The following TSPAN9 variants were observed in gnomAD, a reference collection of about 807,000 sequenced individuals.
The protein encoded by TSPAN9 is tetraspanin 9.
TSPAN9 carries 16 observed loss-of-function variants against 31.0 expected under a neutral mutation model. The observed-to-expected ratio is 0.52, with a 90% CI of 0.35 to 0.78. The LOEUF is 0.78. TSPAN9 is among the 30% of genes least tolerant of loss of function. The pLI, the probability that TSPAN9 is intolerant of heterozygous loss-of-function variation, is 0.01. For missense variants in TSPAN9, 272 were observed against 312.5 expected (o/e 0.87, Z 0.98); for synonymous variants, 145 against 121.6 (o/e 1.19, Z -1.27).
In TSPAN9 at chr12:3,286,479, TC is replaced by T. The variant is rs952896075; in HGVS notation, c.*3365del. 1.3e-5 allele frequency: 2 copies of T among 152,584 alleles called. No individual in the cohort carries two copies. The highest frequency in any genetic ancestry group is 2.4e-5 in the African/African-American group (1 of 41,436). 9.5% of individuals were successfully genotyped at this position (152,584 alleles called of 1,614,324 possible). On this transcript the variant is annotated 3_prime_UTR_variant, in exon 9 of 9. Transcript: ENST00000011898. This position sits in a 1 kb window ranked among gnomAD's most constrained non-coding sequence, Gnocchi z 4.1. ...TGCTTGCATTGCCGTATCTGTGCGT[TC>T]CTTCATCCTGGTCCTGGCTTTATGG...
At chr12:3,274,082 C>T (rs1203879006) in intron 3 of TSPAN9, among the ~76,000 whole-genome samples, 2 of 152,174 alleles carry the variant, frequency 1.3e-5, no homozygotes, top group East Asian at 1.9e-4. Context: ...CAATTGGGGC[C>T]AGACAGTTCT....
intron 2 of TSPAN9, among the ~76,000 whole-genome samples, chr12:3,181,112 G>A (rs1428418846): frequency 1.3e-5 from 2 of 152,124 alleles, no homozygotes; most frequent in Non-Finnish European, 2.9e-5. Context: ...GGGGCCCATG[G>A]CACCATCTTA....
chr12:3,113,264 A>G (rs193141889), intron 2 of TSPAN9, among the ~76,000 whole-genome samples: 57 of 147,514 alleles, frequency 3.9e-4, no homozygotes, highest in African/African-American at 1.4e-3. Context: ...TGTGGTGGGG[A>G]GGGAGAGCAT....
At chr12:3,085,328 TTGG>T (rs2098299899) in intron 2 of TSPAN9, among the ~76,000 whole-genome samples, 1 of 151,562 alleles carries the variant, frequency 6.6e-6, no homozygotes, top group Admixed American at 6.6e-5. Flanking sequence ...CAGACAGAAC[TTGG>T]TGAAGGGCTC....
At chr12:3,202,259 C>T (rs1371292007) in intron 3 of TSPAN9, among the ~76,000 whole-genome samples, 1 of 152,202 alleles carries the variant, frequency 6.6e-6, no homozygotes, top group Non-Finnish European at 1.5e-5. Context: ...TTGGCTCAGT[C>T]CCAGAGTCTG....
intron 3 of TSPAN9, among the ~76,000 whole-genome samples, chr12:3,260,987 C>T (rs554209729): frequency 3.3e-5 from 5 of 152,156 alleles, no homozygotes; most frequent in East Asian, 1.9e-4. Context: ...GGAGCCCTCT[C>T]GGGTCTGGAA....
intron 3 of TSPAN9, among the ~76,000 whole-genome samples, chr12:3,240,389 C>CCAG (rs1465819067): frequency 1.3e-5 from 2 of 152,128 alleles, no homozygotes; most frequent in African/African-American, 4.8e-5. Flanking sequence ...GCCAAGGGGG[C>CCAG]CAGCAGTCAC....
chr12:3,100,981 C>T (rs1431672351), intron 2 of TSPAN9, among the ~76,000 whole-genome samples: 4 of 152,158 alleles, frequency 2.6e-5, no homozygotes, highest in Admixed American at 2.0e-4. Context: ...AGTACCATCC[C>T]GGGTGTGGAG....
intron 2 of TSPAN9, among the ~76,000 whole-genome samples, chr12:3,167,930 G>A (rs1196987917): frequency 6.6e-6 from 1 of 152,212 alleles, no homozygotes; most frequent in Non-Finnish European, 1.5e-5. Context: ...CCATCCCACT[G>A]GCTCCTTTGG....
At chr12:3,165,240 C>T (rs1235333253) in intron 2 of TSPAN9, among the ~76,000 whole-genome samples, 1 of 152,164 alleles carries the variant, frequency 6.6e-6, no homozygotes, top group African/African-American at 2.4e-5. Flanking sequence ...CCTGAGTCCT[C>T]AGTGCATCTA....
At chr12:3,111,466 T>G (rs997589722) in intron 2 of TSPAN9, among the ~76,000 whole-genome samples, 1 of 152,158 alleles carries the variant, frequency 6.6e-6, no homozygotes, top group African/African-American at 2.4e-5. Context: ...TAAAAGAAAT[T>G]TATCATAAAA....
At chr12:3,278,337 A>T (rs963878765) in intron 3 of TSPAN9, 84 bp from the exon 4 acceptor site, 1 of 1,537,272 alleles carries the variant, frequency 6.5e-7, no homozygotes, top group Admixed American at 1.9e-5. Flanking sequence ...GTCTCAGAGC[A>T]TGGGGTGGGG....
intron 3 of TSPAN9, among the ~76,000 whole-genome samples, chr12:3,245,580 C>A (rs1862107117): frequency 6.6e-6 from 1 of 152,160 alleles, no homozygotes; most frequent in African/African-American, 2.4e-5. Flanking sequence ...GAGGGAGAAG[C>A]CTGCCTGCCC....
At chr12:3,176,917 G>A (rs1173627084) in intron 2 of TSPAN9, among the ~76,000 whole-genome samples, 1 of 152,194 alleles carries the variant, frequency 6.6e-6, no homozygotes, top group African/African-American at 2.4e-5. Context: ...AATGCACAGA[G>A]CCGAGTATTA....
chr12:3,280,202 G>T lies in TSPAN9; in HGVS notation c.331-180G>T, dbSNP rs1278042974. On this transcript the variant is annotated intron_variant, in intron 5 of 8. Transcript: ENST00000011898. The surrounding 1 kb of genome is among the most constrained non-coding windows in gnomAD (Gnocchi z 4.5). ...AAACTGGGAGTGTGTGCCTAACCCCGCACCTCTGTTGGGCCAGCAGAGGCC... is the reference window on the plus strand; with the variant it reads ...AAACTGGGAGTGTGTGCCTAACCCCTCACCTCTGTTGGGCCAGCAGAGGCC... Among the ~76,000 whole-genome samples the T allele has an allele frequency of 2.0e-5, 3 of 152,062 alleles. No individual in the cohort carries two copies. In the East Asian group the frequency reaches 5.8e-4, roughly 29 times the overall value.
intron 2 of TSPAN9, among the ~76,000 whole-genome samples, chr12:3,119,609 T>C (rs1260588869): frequency 1.3e-5 from 2 of 152,188 alleles, no homozygotes; most frequent in Non-Finnish European, 2.9e-5. Flanking sequence ...GGCTGTGTGC[T>C]TCACTGGAGG....
chr12:3,197,850 T>TCAC (rs201716596), intron 2 of TSPAN9, among the ~76,000 whole-genome samples: 5 of 26,114 alleles, frequency 1.9e-4, no homozygotes, highest in African/African-American at 8.7e-4. Context: ...CCAGCACAGG[T>TCAC]CACCAGCACA....
chr12:3,209,447 T>C (rs1380117620), intron 3 of TSPAN9, among the ~76,000 whole-genome samples: 1 of 152,204 alleles, frequency 6.6e-6, no homozygotes, highest in Non-Finnish European at 1.5e-5. Flanking sequence ...ATAAGTCTTC[T>C]GGTGTACATG....
At chr12:3,202,323 C>T (rs1464900930) in intron 3 of TSPAN9, among the ~76,000 whole-genome samples, 2 of 152,184 alleles carry the variant, frequency 1.3e-5, no homozygotes, top group Non-Finnish European at 2.9e-5. Context: ...AGGAGGAGCA[C>T]TGGGGGCAGG....
Sources: allele counts gnomAD v4.1 joint callset (sites outside exome capture counted in the v4.1 genomes callset), GRCh38; gene constraint gnomAD v4.1.1; non-coding constraint Gnocchi (gnomAD v3.1); transcripts MANE v1.5; gene names NCBI Gene and HGNC (gene_info 2026-07-23, HGNC 2026-07-21).